The following SLC12A7 variants were observed in gnomAD, a reference collection of about 807,000 sequenced individuals.
SLC12A7 encodes the protein solute carrier family 12 member 7.
SLC12A7 carries 100 observed loss-of-function variants against 120.6 expected under a neutral mutation model. The observed-to-expected ratio is 0.83, with a 90% CI of 0.71 to 0.98. The LOEUF (loss-of-function observed/expected upper bound fraction) is 0.98, where lower values mean the gene tolerates loss of function less well. Among genes scored for constraint, SLC12A7 ranks in the 50% least tolerant of loss-of-function variants. The pLI is 0.00. For missense variants in SLC12A7, 1,373 were observed against 1,548.1 expected, an observed-to-expected ratio of 0.89 and a Z score of 1.90; for synonymous variants, 760 against 678.0, an observed-to-expected ratio of 1.12 and a Z score of -1.88.
In SLC12A7 at chr5:1,093,562, C is replaced by CCTCCTCGTG; in HGVS notation, c.304_312dup (p.His102_Glu104dup). On this transcript the variant is annotated inframe_insertion, in exon 3 of 24. Transcript: ENST00000264930. The stretch of plus-strand genomic sequence containing the variant: ...GCCTCCCGCCGCCGGCTCTCCTCGT[C>CCTCCTCGTG]CTCCTCGTGCTCCACCACGCCCTGG... The CCTCCTCGTG allele has an allele frequency of 1.2e-6, 2 of 1,604,622 alleles. No individual in the cohort carries two copies. The highest frequency in any genetic ancestry group is 2.2e-5 in the South Asian group (2 of 89,362).
At chr5:1,119,172 CT>C in the SLC12A7 span, among the ~76,000 whole-genome samples, 2 of 152,224 alleles carry the variant, frequency 1.3e-5, no homozygotes, top group African/African-American at 4.8e-5. Context: ...CTGCCATCAG[CT>C]TTGCATTTTA....
the SLC12A7 span, among the ~76,000 whole-genome samples, chr5:1,155,051 G>C: frequency 6.6e-6 from 1 of 152,146 alleles, no homozygotes; most frequent in Non-Finnish European, 1.5e-5. Flanking sequence ...CACTGGAAGC[G>C]GGCTTGGCTC....
chr5:1,103,060 C>T (rs1742170624), intron 1 of SLC12A7, among the ~76,000 whole-genome samples: 1 of 152,182 alleles, frequency 6.6e-6, no homozygotes, highest in African/African-American at 2.4e-5. Context: ...CTCCCTCTGC[C>T]CCTCACAGTT....
At chr5:1,135,611 C>A in the SLC12A7 span, among the ~76,000 whole-genome samples, 1 of 152,196 alleles carries the variant, frequency 6.6e-6, no homozygotes, top group East Asian at 1.9e-4. Context: ...CGGTGCTTAC[C>A]CCTAGTGCCA....
intron 6 of SLC12A7, 66 bp downstream of exon 6, chr5:1,086,837 G>C (rs763587825): frequency 6.3e-7 from 1 of 1,586,202 alleles, no homozygotes; most frequent in African/African-American, 1.3e-5. Flanking sequence ...GAGTGGGTCA[G>C]GCAGGGCCCC....
chr5:1,118,018 G>A, the SLC12A7 span, among the ~76,000 whole-genome samples: 1 of 152,214 alleles, frequency 6.6e-6, no homozygotes, highest in Admixed American at 6.5e-5. Flanking sequence ...GGAGCTTGCA[G>A]TGAGCTGAGA....
chr5:1,056,966 G>A (rs947073264), intron 22 of SLC12A7, among the ~76,000 whole-genome samples: 6 of 152,218 alleles, frequency 3.9e-5, no homozygotes, highest in Admixed American at 2.0e-4. Flanking sequence ...TGTGCCCAGC[G>A]GCACAAGCCT....
the SLC12A7 span, among the ~76,000 whole-genome samples, chr5:1,140,694 C>T: frequency 3.1e-4 from 47 of 152,374 alleles, no homozygotes; most frequent in Middle Eastern, 3.4e-3. Flanking sequence ...CACCAGGCAA[C>T]GAGAGGCGCA....
the SLC12A7 span, among the ~76,000 whole-genome samples, chr5:1,137,534 C>T: frequency 6.6e-6 from 1 of 152,308 alleles, no homozygotes; most frequent in East Asian, 1.9e-4. Flanking sequence ...CACCTTCCCC[C>T]TCCTCCTCAA....
chr5:1,151,709 G>C, the SLC12A7 span, among the ~76,000 whole-genome samples: 116 of 152,172 alleles, frequency 7.6e-4, no homozygotes, highest in African/African-American at 2.7e-3. The surrounding 1 kb of genome is among the most constrained non-coding windows in gnomAD (Gnocchi z 6.2). Context: ...CGGGAGGCGG[G>C]GGGCAGGGGG....
chr5:1,055,819 A>G (rs1216827302), intron 22 of SLC12A7, among the ~76,000 whole-genome samples: 1 of 152,258 alleles, frequency 6.6e-6, no homozygotes, highest in African/African-American at 2.4e-5. Flanking sequence ...AGAACGGAGC[A>G]GGAAGTACAG....
At chr5:1,112,145 G>A, upstream of SLC12A7, 1 of 938,262 alleles carries the variant, frequency 1.1e-6, no homozygotes, top group East Asian at 3.7e-5. Context: ...GCGGCCCCAC[G>A]AAAAGTTGGC....
At chr5:1,085,574 C>T (rs555485996) in intron 6 of SLC12A7, 101 bp from the exon 7 acceptor site, 4 of 1,450,006 alleles carry the variant, frequency 2.8e-6, no homozygotes, top group Admixed American at 4.4e-5. Context: ...CTCCTCCCAA[C>T]AGGTGCCGGG....
the SLC12A7 span, among the ~76,000 whole-genome samples, chr5:1,135,738 G>A: frequency 6.6e-6 from 1 of 152,216 alleles, no homozygotes; most frequent in Non-Finnish European, 1.5e-5. Context: ...AGGGTTTACT[G>A]AAGGCTCAGC....
intron 8 of SLC12A7, among the ~76,000 whole-genome samples, chr5:1,082,250 T>C (rs1209713365): frequency 8.0e-6 from 1 of 124,886 alleles, no homozygotes; most frequent in Non-Finnish European, 1.6e-5. Context: ...CTGGGCTTCC[T>C]CTCTAGGGTT....
intron 22 of SLC12A7, chr5:1,056,581 C>T: frequency 1.0e-6 from 1 of 985,544 alleles, no homozygotes; most frequent in Non-Finnish European, 1.2e-6. Flanking sequence ...AGTGGACTTA[C>T]AGGTTTCCCC....
chr5:1,078,619 T>A (rs1738633511), intron 11 of SLC12A7, 82 bp downstream of exon 11: 1 of 1,151,332 alleles, frequency 8.7e-7, no homozygotes, highest in Admixed American at 1.8e-5. Flanking sequence ...CCTAGGGCGA[T>A]GTAATTTCAA....
chr5:1,153,104 C>T, the SLC12A7 span, among the ~76,000 whole-genome samples: 1 of 152,234 alleles, frequency 6.6e-6, no homozygotes, highest in African/African-American at 2.4e-5. Flanking sequence ...CATCCTCCTC[C>T]AACCCCCACA....
At chr5:1,123,977 G>T in the SLC12A7 span, among the ~76,000 whole-genome samples, 2 of 152,170 alleles carry the variant, frequency 1.3e-5, no homozygotes, top group Non-Finnish European at 2.9e-5. Context: ...TAAATTCATC[G>T]CTCTCAGTGG....
Sources: allele counts gnomAD v4.1 joint callset (sites outside exome capture counted in the v4.1 genomes callset), GRCh38; gene constraint gnomAD v4.1.1; non-coding constraint Gnocchi (gnomAD v3.1); transcripts MANE v1.5; gene names NCBI Gene and HGNC (gene_info 2026-07-23, HGNC 2026-07-21).